BMAL2: variants seen among roughly 807,000 people sequenced by gnomAD.
The protein encoded by BMAL2 is basic helix-loop-helix ARNT like 2, also known as basic helix-loop-helix ARNT-like protein 2.
the BMAL2 span, chr12:27,332,946 C>G: frequency 1.4e-6 from 1 of 699,920 alleles, no homozygotes; most frequent in African/African-American, 1.9e-5. Flanking sequence ...CGCCGCGGCA[C>G]CCGGCAGGGC....
At chr12:27,407,431 TAAG>T in the BMAL2 span, among the ~76,000 whole-genome samples, 1 of 152,138 alleles carries the variant, frequency 6.6e-6, no homozygotes, top group Non-Finnish European at 1.5e-5. Context: ...AACTCAGGAT[TAAG>T]AAGCTCACTC....
the BMAL2 span, among the ~76,000 whole-genome samples, chr12:27,402,056 C>T: frequency 2.0e-5 from 3 of 152,098 alleles, no homozygotes; most frequent in Non-Finnish European, 4.4e-5. Context: ...CCTGGGGTGC[C>T]GCCATGTCTG....
chr12:27,368,669 A>G, the BMAL2 span, among the ~76,000 whole-genome samples: 4 of 152,190 alleles, frequency 2.6e-5, no homozygotes, highest in African/African-American at 9.7e-5. Flanking sequence ...GTTAATGTTT[A>G]TGGTCATGGC....
the BMAL2 span, among the ~76,000 whole-genome samples, chr12:27,374,345 TAA>T: frequency 2.6e-5 from 4 of 152,184 alleles, no homozygotes; most frequent in African/African-American, 9.6e-5. Flanking sequence ...CAATACCATA[TAA>T]CAACAATTTA....
chr12:27,400,503 CA>C, the BMAL2 span: 1 of 1,505,742 alleles, frequency 6.6e-7, no homozygotes, highest in Non-Finnish European at 8.9e-7. Context: ...TATAATGATC[CA>C]AATGTCCTTT....
At chr12:27,416,929 C>G in the BMAL2 span, among the ~76,000 whole-genome samples, 3 of 152,202 alleles carry the variant, frequency 2.0e-5, no homozygotes. Context: ...CACCACTGCA[C>G]TAGCCTGAGC....
At chr12:27,408,469 A>G in the BMAL2 span, among the ~76,000 whole-genome samples, 1 of 152,242 alleles carries the variant, frequency 6.6e-6, no homozygotes, top group Non-Finnish European at 1.5e-5. Context: ...AATCCAGCAT[A>G]TAAACAGAAC....
At chr12:27,359,759 C>T in the BMAL2 span, among the ~76,000 whole-genome samples, 1 of 152,160 alleles carries the variant, frequency 6.6e-6, no homozygotes, top group Non-Finnish European at 1.5e-5. Flanking sequence ...CTGCTGTGGT[C>T]CTCAAAGGCT....
At chr12:27,415,685 C>T in the BMAL2 span, among the ~76,000 whole-genome samples, 1 of 152,082 alleles carries the variant, frequency 6.6e-6, no homozygotes, top group Admixed American at 6.5e-5. Context: ...GAGTGTTTTT[C>T]AGCATTCCAT....
the BMAL2 span, chr12:27,401,227 T>C: frequency 6.4e-7 from 1 of 1,550,758 alleles, no homozygotes; most frequent in South Asian, 1.1e-5. Context: ...ACTCACCACT[T>C]CTGAAGTTTA....
the BMAL2 span, among the ~76,000 whole-genome samples, chr12:27,384,718 T>C: frequency 2.0e-5 from 3 of 152,198 alleles, no homozygotes; most frequent in African/African-American, 7.2e-5. Context: ...TTAACATCAA[T>C]AATAAACTAG....
the BMAL2 span, among the ~76,000 whole-genome samples, chr12:27,349,617 A>G: frequency 6.6e-6 from 1 of 152,180 alleles, no homozygotes; most frequent in Non-Finnish European, 1.5e-5. Context: ...GTCTGTTTGG[A>G]TCTTATGCCT....
chr12:27,413,170 C>T, the BMAL2 span, among the ~76,000 whole-genome samples: 1 of 151,770 alleles, frequency 6.6e-6, no homozygotes, highest in African/African-American at 2.4e-5. Context: ...TGAAAGGGTG[C>T]CAATTAACAA....
the BMAL2 span, among the ~76,000 whole-genome samples, chr12:27,365,708 A>G: frequency 6.8e-6 from 1 of 147,504 alleles, no homozygotes; most frequent in Non-Finnish European, 1.5e-5. Flanking sequence ...GGGCATCTCA[A>G]TTATGACCCC....
chr12:27,334,781 G>C, the BMAL2 span, among the ~76,000 whole-genome samples: 1 of 152,208 alleles, frequency 6.6e-6, no homozygotes, highest in African/African-American at 2.4e-5. Flanking sequence ...GTGCGGGCTG[G>C]GAGAGCCCGC....
the BMAL2 span, among the ~76,000 whole-genome samples, chr12:27,397,046 TTTTG>T: frequency 0.073 from 11,107 of 151,780 alleles, 442 homozygotes; most frequent in African/African-American, 0.11. Context: ...TTCACTGTGG[TTTTG>T]TTTGTTTGTT....
the BMAL2 span, among the ~76,000 whole-genome samples, chr12:27,363,797 A>G: frequency 6.6e-6 from 1 of 152,172 alleles, no homozygotes; most frequent in African/African-American, 2.4e-5. Context: ...CTTTCAATCA[A>G]CATTAACTTA....
chr12:27,332,998 C>CCGGGG, the BMAL2 span: 3 of 1,127,302 alleles, frequency 2.7e-6, no homozygotes, highest in Non-Finnish European at 3.3e-6. Context: ...GCCGCCTGGG[C>CCGGGG]CGGGGCAGGG....
chr12:27,418,914 G>A, the BMAL2 span, among the ~76,000 whole-genome samples: 36 of 151,892 alleles, frequency 2.4e-4, no homozygotes, highest in Non-Finnish European at 5.0e-4. Flanking sequence ...GGGAAGTGGA[G>A]GTTGCAGTGA....
Sources: allele counts gnomAD v4.1 joint callset (sites outside exome capture counted in the v4.1 genomes callset), GRCh38; gene constraint gnomAD v4.1.1; transcripts MANE v1.5; gene names NCBI Gene and HGNC (gene_info 2026-07-23, HGNC 2026-07-21).